The following TECPR1 variants were observed in gnomAD, a reference collection of about 807,000 sequenced individuals.
TECPR1 encodes the protein tectonin beta-propeller repeat-containing protein 1.
TECPR1 carries 122 observed loss-of-function variants against 162.4 expected under a neutral mutation model. That is an observed-to-expected ratio of 0.75 (90% confidence interval 0.65 to 0.87). TECPR1 has a LOEUF of 0.87. Ranked by LOEUF, TECPR1 falls within the 40% of genes least tolerant of loss-of-function variation. TECPR1 has a pLI of 0.00. For synonymous variants in TECPR1, 642 were observed against 670.6 expected, an observed-to-expected ratio of 0.96 and a Z score of 0.66; for missense variants, 1,432 against 1,618.2, an observed-to-expected ratio of 0.88 and a Z score of 1.97.
intron 17 of TECPR1, among the ~76,000 whole-genome samples, chr7:98,226,302 T>C (rs1798278279): frequency 1.3e-5 from 2 of 152,204 alleles, no homozygotes; most frequent in Admixed American, 1.3e-4. Flanking sequence ...AATCCCCTGA[T>C]TTACTGGGGT....
At chr7:98,246,563 C>T (rs974365708) in intron 2 of TECPR1, among the ~76,000 whole-genome samples, 5 of 151,106 alleles carry the variant, frequency 3.3e-5, no homozygotes, top group African/African-American at 1.2e-4. Context: ...CCGCGCGTGG[C>T]CAACTGCTTA....
chr7:98,225,063 C>G lies in TECPR1; in HGVS notation c.2553G>C (p.Ser851=). 6.4e-7 allele frequency: 1 copy of G among 1,567,746 alleles called. No homozygotes were observed. The highest frequency in any genetic ancestry group is 8.6e-7 in the Non-Finnish European group (1 of 1,158,538). The part of the protein sequence containing the change: ...PTDRYMWSDA[S]GLQECTKAGT... ...CAGCCTTCGTGCACTCCTGCAGCCC[C>G]GAGGCATCGCTCCACATGTACCGGT... Residue 851 remains serine (S), a synonymous_variant, in exon 18 of 26, where the codon TCG becomes TCC. Coordinates refer to ENST00000447648, the MANE Select transcript of TECPR1 (RefSeq NM_015395.3).
chr7:98,238,437 G>T, intron 9 of TECPR1, 72 bp downstream of exon 9: 1 of 1,248,488 alleles, frequency 8.0e-7, no homozygotes. Flanking sequence ...CGGCCACTAG[G>T]CTATTGGGTG....
At chr7:98,246,800 C>T (rs1485950871) in intron 2 of TECPR1, among the ~76,000 whole-genome samples, 7 of 151,646 alleles carry the variant, frequency 4.6e-5, no homozygotes, top group Non-Finnish European at 7.4e-5. Context: ...ACAGGCTGGT[C>T]TCGAACTCCT....
chr7:98,248,581 C>T (rs1205925226), intron 2 of TECPR1, among the ~76,000 whole-genome samples: 2 of 145,956 alleles, frequency 1.4e-5, no homozygotes, highest in African/African-American at 2.6e-5. Context: ...GTGGCTCACA[C>T]CTGTAAACCC....
rs1798244454 is a variant in TECPR1 at position 98,225,038 on chromosome 7, CA to C, written c.2577del (p.Gly860AlafsTer46). 3.8e-6 allele frequency: 6 copies of C among 1,558,738 alleles called. No homozygotes were observed. The highest frequency in any genetic ancestry group is 5.2e-6 in the Non-Finnish European group (6 of 1,153,842). On this transcript the variant is annotated frameshift_variant, in exon 18 of 26. Transcript: ENST00000447648. LOFTEE classifies it high-confidence loss of function. Reference protein sequence around the residue: ...DASGLQECTKAGTKPPSLQWA... With the variant: ...DASGLQECTKXGTKPPSLQWA... ...CACTGCAGGGACGGGGGCTTCGTGC[CA>C]GCCTTCGTGCACTCCTGCAGCCCCG... is the stretch of plus-strand genomic sequence containing the variant.
Position 98,233,741 on chromosome 7 carries a change from C to T in TECPR1, c.1352G>A (p.Gly451Asp), listed in dbSNP as rs769676937. ...TTCCACGGTATCTTCTGCGGTCCTG[C>T]CAGCCCCCAGGCCTGAGGCTGAGTT... ...TGNSASGLGA[G>D]RTAEDTVEDA... Residue 451 changes from glycine to aspartate, a missense_variant, in exon 11 of 26, where the codon GGC (glycine) becomes GAC (aspartate). Gly to Asp is a moderately conservative substitution (Grantham distance 94, BLOSUM62 -1). Transcript: ENST00000447648. The T allele has an allele frequency of 6.2e-7, 1 of 1,612,460 alleles. No individual in the cohort carries two copies. Among genetic ancestry groups the T allele is most frequent in the South Asian group, 1.1e-5 (1 of 91,026 alleles).
intron 4 of TECPR1, 27 bp from the exon 5 acceptor site, chr7:98,244,720 G>A: frequency 6.3e-7 from 1 of 1,597,802 alleles, no homozygotes; most frequent in Non-Finnish European, 8.6e-7. Flanking sequence ...GGGGCTCTCA[G>A]GCTCTGCGGG....
chr7:98,225,554 C>T (rs374443891), intron 17 of TECPR1, among the ~76,000 whole-genome samples: 7 of 150,380 alleles, frequency 4.7e-5, no homozygotes, highest in South Asian at 2.1e-4. Flanking sequence ...AAAAAAAAGG[C>T]GGGGGGAGGG....
chr7:98,243,194 C>T (rs977152304), intron 6 of TECPR1, among the ~76,000 whole-genome samples: 4 of 150,926 alleles, frequency 2.7e-5, no homozygotes, highest in Admixed American at 2.0e-4. Context: ...CCTTCTGTCA[C>T]CCACACACCC....
intron 2 of TECPR1, among the ~76,000 whole-genome samples, chr7:98,250,312 TTAAATA>T (rs938258341): frequency 4.6e-5 from 7 of 151,636 alleles, no homozygotes; most frequent in Non-Finnish European, 5.9e-5. Context: ...TTCTATAGTG[TTAAATA>T]TAAGTTAGCC....
chr7:98,227,871 G>A (rs1048839825), intron 17 of TECPR1, 143 bp downstream of exon 17: 22 of 607,580 alleles, frequency 3.6e-5, no homozygotes, highest in Admixed American at 2.2e-4. Flanking sequence ...CTCAGTGAGC[G>A]GTAAGATCCG....
intron 5 of TECPR1, among the ~76,000 whole-genome samples, chr7:98,244,118 A>T (rs1230069382): frequency 6.6e-6 from 1 of 151,254 alleles, no homozygotes; most frequent in Non-Finnish European, 1.5e-5. Flanking sequence ...TCCCAGTCCC[A>T]GGGGCAGCCC....
intron 16 of TECPR1, 127 bp from the exon 17 acceptor site, chr7:98,228,243 A>G (rs1206197340): frequency 4.1e-6 from 3 of 735,592 alleles, no homozygotes; most frequent in Non-Finnish European, 4.8e-6. Context: ...AGCGGAGAGG[A>G]GCAAACAGTC....
chr7:98,233,689 C>T lies in TECPR1; in HGVS notation c.1404G>A (p.Arg468=), dbSNP rs767744379. ...VEDACPAEGS[R]EARPNTHPGP... is the part of the protein sequence containing the mutation. ...CGGGGTGCGTGTTGGGTCTGGCCTC[C>T]CTGCTGCCCTCGGCTGGGCAGGCAT... Residue 468 remains arginine (R), a synonymous_variant, in exon 11 of 26, where the codon AGG becomes AGA. Coordinates refer to ENST00000447648, the MANE Select transcript of TECPR1 (RefSeq NM_015395.3). 3 of 1,609,012 alleles carry T rather than the reference C, an allele frequency of 1.9e-6. No individual in the cohort carries two copies. The highest frequency in any genetic ancestry group is 2.5e-6 in the Non-Finnish European group (3 of 1,177,284).
intron 10 of TECPR1, among the ~76,000 whole-genome samples, chr7:98,235,059 T>TGG (rs1798558173): frequency 6.6e-6 from 1 of 152,214 alleles, no homozygotes. Flanking sequence ...AATGTCCTTT[T>TGG]GATTCACAAA....
chr7:98,222,998 T>G lies in TECPR1; in HGVS notation c.2920A>C (p.Asn974His), dbSNP rs775403896. The G allele has an allele frequency of 6.2e-7, 1 of 1,611,876 alleles. No individual in the cohort carries two copies. The highest frequency in any genetic ancestry group is 1.1e-5 in the South Asian group (1 of 90,892). Residue 974 changes from asparagine to histidine, a missense_variant, in exon 21 of 26, where the codon AAC becomes CAC. Physicochemically the swap from Asn to His is moderately conservative, Grantham distance 68. Transcript: ENST00000447648. ...VLCRLGVSELNPAGSSWLHVG... is the reference protein window; with the variant it reads ...VLCRLGVSELHPAGSSWLHVG... ...CTGGCCCCGGCACTCACCGCAGGGT[T>G]GAGCTCCGACACGCCCAGGCGGCAC...
In TECPR1 at chr7:98,231,854, C is replaced by T. The variant is rs369859063; in HGVS notation, c.1924G>A (p.Val642Ile). ...TAGATGAAGAGGATGCTGTCCCGGA[C>T]GCCGTCGTGCCCCGTGAACTGCTCC... ...ALEQFTGHDG[V>I]RDSILFIYYV... Residue 642 changes from valine (V) to isoleucine (I), a missense_variant, in exon 13 of 26, where the codon GTC becomes ATC. Val to Ile is a conservative substitution (Grantham distance 29, BLOSUM62 3). Transcript: ENST00000447648. The T allele has an allele frequency of 3.3e-5, 53 of 1,612,904 alleles. No homozygotes were observed. In the African/African-American group the frequency reaches 3.6e-4, roughly 11 times the overall value.
At chr7:98,229,788 C>A (rs1316055599) in intron 15 of TECPR1, among the ~76,000 whole-genome samples, 1 of 152,184 alleles carries the variant, frequency 6.6e-6, no homozygotes, top group East Asian at 1.9e-4. Context: ...TCCCCTCCTG[C>A]AGCCAGGGCT....
Sources: allele counts gnomAD v4.1 joint callset (sites outside exome capture counted in the v4.1 genomes callset), GRCh38; gene constraint gnomAD v4.1.1; transcripts MANE v1.5; gene names NCBI Gene and HGNC (gene_info 2026-07-23, HGNC 2026-07-21).